The following ZDHHC14 variants were observed in gnomAD, a reference collection of about 807,000 sequenced individuals.
ZDHHC14 encodes the protein zDHHC palmitoyltransferase 14.
ZDHHC14 carries 16 observed loss-of-function variants against 47.7 expected under a neutral mutation model. The ratio of observed to expected loss-of-function variants is 0.34; its 90% CI spans 0.23 to 0.51. The LOEUF (loss-of-function observed/expected upper bound fraction) is 0.51. Ranked by LOEUF, ZDHHC14 falls within the 20% of genes least tolerant of loss-of-function variation. The probability of loss-of-function intolerance (pLI) is 0.97; values close to 1 mark genes in which losing one functional copy is unlikely to be tolerated. For missense variants in ZDHHC14, 515 were observed against 662.5 expected (o/e 0.78, Z 2.44); for synonymous variants, 293 against 278.9 (o/e 1.05, Z -0.50).
chr6:157,640,459 CG>C (rs988750411), intron 5 of ZDHHC14, among the ~76,000 whole-genome samples: 4 of 152,170 alleles, frequency 2.6e-5, no homozygotes, highest in African/African-American at 9.7e-5. Flanking sequence ...GACACCACAA[CG>C]GGAAAATCAC....
chr6:157,387,743 C>T (rs1777346255), intron 1 of ZDHHC14, among the ~76,000 whole-genome samples: 1 of 152,184 alleles, frequency 6.6e-6, no homozygotes. Flanking sequence ...GATGGGGACT[C>T]GCCTTGTTCA....
At chr6:157,465,942 G>A (rs991991306) in intron 1 of ZDHHC14, among the ~76,000 whole-genome samples, 2 of 152,014 alleles carry the variant, frequency 1.3e-5, no homozygotes, top group African/African-American at 2.4e-5. Context: ...CTCGGGAGGC[G>A]GAGACACGAA....
At chr6:157,387,029 G>A (rs1777324504) in intron 1 of ZDHHC14, among the ~76,000 whole-genome samples, 1 of 152,148 alleles carries the variant, frequency 6.6e-6, no homozygotes, top group Non-Finnish European at 1.5e-5. Context: ...TAGATCTGGG[G>A]CTTGACTGGG....
intron 3 of ZDHHC14, among the ~76,000 whole-genome samples, chr6:157,595,524 T>A (rs375382277): frequency 6.6e-6 from 1 of 152,200 alleles, no homozygotes; most frequent in African/African-American, 2.4e-5. Flanking sequence ...CAAAATTTTC[T>A]TCTCAATCTA....
chr6:157,543,083 C>T (rs545062343), intron 2 of ZDHHC14, among the ~76,000 whole-genome samples: 1 of 152,094 alleles, frequency 6.6e-6, no homozygotes, highest in Admixed American at 6.5e-5. Flanking sequence ...AGGTTGCTGC[C>T]CTTTCTCCCT....
intron 1 of ZDHHC14, among the ~76,000 whole-genome samples, chr6:157,415,285 G>A (rs1777951429): frequency 6.6e-6 from 1 of 152,054 alleles, no homozygotes; most frequent in Admixed American, 6.6e-5. Context: ...TACTGATACT[G>A]TCTTTATTGC....
intron 1 of ZDHHC14, among the ~76,000 whole-genome samples, chr6:157,540,910 G>GTGTGTGTATATATATATATATATA (rs1284429244): frequency 8.9e-5 from 11 of 122,990 alleles, no homozygotes; most frequent in African/African-American, 4.8e-4. Context: ...GTGTGTGTGT[G>GTGTGTGTATATATATATATATATA]TATATATATA....
At chr6:157,565,556 C>T (rs1562484052) in intron 2 of ZDHHC14, among the ~76,000 whole-genome samples, 1 of 152,132 alleles carries the variant, frequency 6.6e-6, no homozygotes, top group Non-Finnish European at 1.5e-5. Flanking sequence ...CAGTTGCTCG[C>T]GCCTATAATC....
chr6:157,463,986 C>T lies in ZDHHC14; in HGVS notation c.246-78599C>T, dbSNP rs372488553. Among the ~76,000 whole-genome samples, 3 of 152,136 alleles carry T rather than the reference C, an allele frequency of 2.0e-5. No homozygotes were observed. The highest frequency in any genetic ancestry group is 6.5e-5 in the Admixed American group (1 of 15,282). Reference sequence around the variant, plus strand: ...GTTGCAGTGAGCTGAGATTGCATCACGGCACTCCAGCCTGGGTGACAGAGC... The same window carrying T: ...GTTGCAGTGAGCTGAGATTGCATCATGGCACTCCAGCCTGGGTGACAGAGC... On this transcript the variant is annotated intron_variant, in intron 1 of 8. Transcript: ENST00000359775. This position sits in a 1 kb window ranked among gnomAD's most constrained non-coding sequence, Gnocchi z 4.4.
intron 1 of ZDHHC14, among the ~76,000 whole-genome samples, chr6:157,393,347 A>C (rs1777457435): frequency 6.6e-6 from 1 of 152,226 alleles, no homozygotes; most frequent in Non-Finnish European, 1.5e-5. Context: ...GGGTGTAGCC[A>C]ACGGCCCTGC....
In ZDHHC14 at chr6:157,460,057, C is replaced by CAA. The variant is rs35995673; in HGVS notation, c.245+77809_245+77810dup. ...TGAAACCCTGTCTCTACTAAAAATA[C>CAA]AAAAAAAAAAAAAAAAAAATAGCCA... On this transcript the variant is annotated intron_variant, in intron 1 of 8. Transcript: ENST00000359775. Among the ~76,000 whole-genome samples the CAA allele has an allele frequency of 3.9e-3, 466 of 118,176 alleles. 5 individuals carry two copies. The highest frequency in any genetic ancestry group is 0.024 in the East Asian group (93 of 3,948). 77.5% of individuals were successfully genotyped at this position (118,176 alleles called of 152,430 possible). A position where few individuals can be genotyped will look rare whatever the true frequency, so the allele number is the denominator to read the frequency against.
chr6:157,498,376 G>A (rs933179862), intron 1 of ZDHHC14, among the ~76,000 whole-genome samples: 2 of 152,058 alleles, frequency 1.3e-5, no homozygotes, highest in African/African-American at 4.8e-5. Flanking sequence ...TTGTGGCTGA[G>A]GAGAGTGTCC....
At chr6:157,446,861 A>G (rs1305106420) in intron 1 of ZDHHC14, among the ~76,000 whole-genome samples, 2 of 151,982 alleles carry the variant, frequency 1.3e-5, no homozygotes, top group East Asian at 3.9e-4. Context: ...GCTCATGCCT[A>G]TACTCCCAGC....
chr6:157,552,667 T>A (rs1166833250), intron 2 of ZDHHC14, among the ~76,000 whole-genome samples: 1 of 152,038 alleles, frequency 6.6e-6, no homozygotes, highest in African/African-American at 2.4e-5. Context: ...TGCAACGGCA[T>A]GGAAAAGAGT....
chr6:157,526,540 G>A (rs370282569), intron 1 of ZDHHC14, among the ~76,000 whole-genome samples: 1 of 152,342 alleles, frequency 6.6e-6, no homozygotes, highest in Admixed American at 6.5e-5. Flanking sequence ...GGATAGGATA[G>A]TACCTCTCTT....
At chr6:157,621,349 G>T (rs1183807513) in intron 3 of ZDHHC14, among the ~76,000 whole-genome samples, 1 of 151,680 alleles carries the variant, frequency 6.6e-6, no homozygotes, top group East Asian at 1.9e-4. Context: ...AGGTAAAAAA[G>T]CCCTACGTTT....
At chr6:157,649,983 C>T (rs933054285) in intron 7 of ZDHHC14, among the ~76,000 whole-genome samples, 25 of 149,718 alleles carry the variant, frequency 1.7e-4, no homozygotes, top group Non-Finnish European at 2.4e-4. Context: ...CTGTGCCAGG[C>T]GCTGGGGGTG....
chr6:157,398,755 T>C (rs1777571786), intron 1 of ZDHHC14, among the ~76,000 whole-genome samples: 1 of 152,232 alleles, frequency 6.6e-6, no homozygotes, highest in African/African-American at 2.4e-5. Context: ...TTGCCATTCT[T>C]ACTTATTTTC....
intron 1 of ZDHHC14, among the ~76,000 whole-genome samples, chr6:157,487,465 G>A (rs985473400): frequency 1.3e-5 from 2 of 152,232 alleles, no homozygotes; most frequent in Non-Finnish European, 2.9e-5. Flanking sequence ...TCAACTTGTA[G>A]TAGTTACTAA....
Sources: gnomAD v4.1 joint callset for allele counts (sites outside exome capture counted in the v4.1 genomes callset) on GRCh38, gnomAD v4.1.1 for gene constraint, Gnocchi (gnomAD v3.1) non-coding constraint, MANE v1.5 for transcripts, NCBI Gene and HGNC (gene_info 2026-07-23, HGNC 2026-07-21) for gene names.